The following HEATR1 variants were observed in gnomAD, a reference collection of about 807,000 sequenced individuals.
The protein encoded by HEATR1 is HEAT repeat containing 1.
Under a neutral mutation model 248.2 loss-of-function variants are expected in HEATR1, and 77 were observed. The observed-to-expected ratio is 0.31, with a 90% CI of 0.26 to 0.37. The LOEUF (loss-of-function observed/expected upper bound fraction) is 0.37, where lower values mean the gene tolerates loss of function less well. HEATR1 is among the 10% of genes least tolerant of loss of function. The probability of loss-of-function intolerance (pLI) is 1.00; values close to 1 mark genes in which losing one functional copy is unlikely to be tolerated. For missense variants in HEATR1, 2,420 were observed against 2,504.9 expected, an observed-to-expected ratio of 0.97 and a Z score of 0.72; for synonymous variants, 897 against 923.1, an observed-to-expected ratio of 0.97 and a Z score of 0.51.
At position 236,587,975 on chromosome 1, in the gene HEATR1, A is replaced by T. The variant is rs1319249214; in HGVS notation, c.1599T>A (p.Val533=). ...LARLGDDNID[V]VLSAISAFEI... ...CAAAAGCACTTATAGCCGACAAAACAACATCTATATTATCATCACCTAATC... is the reference window on the plus strand; with the variant it reads ...CAAAAGCACTTATAGCCGACAAAACTACATCTATATTATCATCACCTAATC... Residue 533 remains valine (V), a synonymous_variant, in exon 13 of 45, where the codon GTT becomes GTA. Coordinates refer to ENST00000366582, the MANE Select transcript of HEATR1 (RefSeq NM_018072.6). 6 of 1,611,734 alleles carry T rather than the reference A, an allele frequency of 3.7e-6. 1 individual carries two copies. The South Asian group carries it at 5.5e-5, about 15-fold the overall frequency.
intron 42 of HEATR1, among the ~76,000 whole-genome samples, chr1:236,554,068 C>G (rs1399880828): frequency 6.6e-6 from 1 of 152,118 alleles, no homozygotes; most frequent in Non-Finnish European, 1.5e-5. Context: ...TCATGTCTGT[C>G]TTTTGAGCAG....
rs1348942189 is a variant in HEATR1, at chr1:236,558,231, G to A, written c.5204+6C>T. 50 of 1,607,690 alleles carry A rather than the reference G, an allele frequency of 3.1e-5. No homozygotes were observed. Among genetic ancestry groups the A allele is most frequent in the Non-Finnish European group, 3.9e-5 (46 of 1,177,050 alleles). ...CAGCTCCTGTTCCAAGTCTCCGGCC[G>A]CATACCTGGGAAGCTGGGGGATGGC... is the stretch of plus-strand genomic sequence containing the variant. On this transcript the variant is annotated splice_donor_region_variant and intron_variant, in intron 36 of 44. Coordinates refer to ENST00000366582, the MANE Select transcript of HEATR1 (RefSeq NM_018072.6).
In HEATR1 at chr1:236,576,375, A is replaced by G. The variant is rs1663562219; in HGVS notation, c.2928T>C (p.Asp976=). Residue 976 remains aspartate (D), a splice_region_variant and synonymous_variant, in exon 22 of 45, where the codon GAT becomes GAC. Coordinates refer to ENST00000366582, the MANE Select transcript of HEATR1 (RefSeq NM_018072.6). ...GTAGTTCCTCAAATAAAGTAGCCAAATCCTAAGATACCAAAAAGAAAATTG... is the reference window on the plus strand; with the variant it reads ...GTAGTTCCTCAAATAAAGTAGCCAAGTCCTAAGATACCAAAAAGAAAATTG... The part of the protein sequence containing the change: ...ITSDAAYVIQ[D]LATLFEELQR... 3 of 1,571,220 alleles carry G rather than the reference A, an allele frequency of 1.9e-6. No individual in the cohort carries two copies. The South Asian group carries it at 3.6e-5, about 19-fold the overall frequency.
chr1:236,585,975 T>C (rs770331094), intron 15 of HEATR1, 34 bp from the exon 16 acceptor site: 2 of 1,610,146 alleles, frequency 1.2e-6, no homozygotes, highest in African/African-American at 1.3e-5. Flanking sequence ...AGAGCTCTTA[T>C]GTCACCAACA....
Position 236,572,424 on chromosome 1 carries a change from TAA to T in HEATR1, c.3692_3693del (p.Phe1231Ter). On this transcript the variant is annotated frameshift_variant, in exon 26 of 45. Coordinates refer to ENST00000366582, the MANE Select transcript of HEATR1 (RefSeq NM_018072.6). LOFTEE classifies it high-confidence loss of function. ...AAGTGTCATTACCTTGATAGCAAGT[TAA>T]AAAGAGTTGGCACCAATATCTGAGG... ...RSPQILVPTL[F>X]NLLSRCLEPL... 6.2e-7 allele frequency: 1 copy of T among 1,614,076 alleles called. No individual in the cohort carries two copies. The highest frequency in any genetic ancestry group is 8.5e-7 in the Non-Finnish European group (1 of 1,179,954).
rs1296015290 is a variant in HEATR1 at position 236,571,371 on chromosome 1, T to C, written c.3928A>G (p.Thr1310Ala). 2 of 1,598,786 alleles carry C rather than the reference T, an allele frequency of 1.3e-6. No individual in the cohort carries two copies. The highest frequency in any genetic ancestry group is 1.1e-5 in the South Asian group (1 of 87,478). Residue 1310 changes from threonine (T) to alanine (A), a missense_variant, in exon 28 of 45, where the codon ACT becomes GCT. Transcript: ENST00000366582. ...THHHALLLLG[T>A]VAGIFPDKVL... Reference sequence around the variant, plus strand: ...CTTACCGGAAATATTCCAGCAACAGTGCCCAAAAGTAAAAGGGCATGGTGA... The same window carrying C: ...CTTACCGGAAATATTCCAGCAACAGCGCCCAAAAGTAAAAGGGCATGGTGA...
intron 28 of HEATR1, among the ~76,000 whole-genome samples, chr1:236,569,756 G>A (rs963202464): frequency 1.5e-4 from 23 of 152,056 alleles, no homozygotes; most frequent in African/African-American, 5.6e-4. Context: ...AAAATTCCGT[G>A]TGACCCAACA....
At chr1:236,562,587 C>A (rs964992792) in intron 32 of HEATR1, among the ~76,000 whole-genome samples, 2 of 152,336 alleles carry the variant, frequency 1.3e-5, no homozygotes, top group African/African-American at 2.4e-5. Flanking sequence ...ATTGATCCAT[C>A]TGATTACTCC....
Position 236,572,430 on chromosome 1 carries a change from G to T in HEATR1, c.3688C>A (p.Leu1230Ile). 5.0e-6 allele frequency: 8 copies of T among 1,614,066 alleles called. No individual in the cohort carries two copies. The highest frequency in any genetic ancestry group is 6.8e-6 in the Non-Finnish European group (8 of 1,179,948). ...CATTACCTTGATAGCAAGTTAAAAA[G>T]AGTTGGCACCAATATCTGAGGACTT... ...LRSPQILVPT[L>I]FNLLSRCLEP... The change falls in exon 26 of 45, where the codon CTT (leucine) becomes ATT (isoleucine). Residue 1230 changes from leucine (L) to isoleucine (I), a missense_variant. Physicochemically the swap from Leu to Ile is conservative, Grantham distance 5. Transcript: ENST00000366582.
At chr1:236,596,563 T>C (rs1248649718) in intron 6 of HEATR1, among the ~76,000 whole-genome samples, 1 of 152,196 alleles carries the variant, frequency 6.6e-6, no homozygotes, top group Non-Finnish European at 1.5e-5. Context: ...TCCGTCCTCC[T>C]TCCAGTGAGG....
At chr1:236,558,677 T>C (rs1217555690) in intron 35 of HEATR1, 148 bp from the exon 36 acceptor site, 1 of 827,196 alleles carries the variant, frequency 1.2e-6, no homozygotes, top group South Asian at 1.8e-5. Flanking sequence ...GTGCATGTTC[T>C]AGCCAGTGTT....
At chr1:236,574,969 A>C in intron 22 of HEATR1, 66 bp from the exon 23 acceptor site, 1 of 1,453,186 alleles carries the variant, frequency 6.9e-7, no homozygotes. Flanking sequence ...CACTCTACAG[A>C]GACACTCAAA....
In HEATR1 at chr1:236,550,658, C is replaced by G. The variant is rs1212273516; in HGVS notation, c.*244G>C. ...AGAATAATAAATGTTTAAACAAACA[C>G]AGCAGTCTGTATAAAAATACCGTGT... On this transcript the variant is annotated 3_prime_UTR_variant, in exon 45 of 45. Coordinates refer to ENST00000366582, the MANE Select transcript of HEATR1 (RefSeq NM_018072.6). 4.6e-6 allele frequency: 2 copies of G among 436,120 alleles called. No homozygotes were observed. Among genetic ancestry groups the G allele is most frequent in the Non-Finnish European group, 8.1e-6 (2 of 247,050 alleles). The allele number at this position is 436,120 out of a possible 1,614,324, so 27.0% of individuals were successfully genotyped here.
chr1:236,599,586 G>C lies in HEATR1; in HGVS notation c.398C>G (p.Ala133Gly). ...TGTCTCGTGGTATGGCAGAACACAA[G>C]CAATGAGGCTATCTTGATTATAGAG... ...IHLYNQDSLI[A>G]CVLPYHETRI... is the part of the protein sequence containing the mutation. Residue 133 changes from alanine (A) to glycine (G), a missense_variant, in exon 4 of 45, where the codon GCT becomes GGT. By Grantham distance (60) the Ala-to-Gly change is moderately conservative (BLOSUM62 0). Coordinates refer to ENST00000366582, the MANE Select transcript of HEATR1 (RefSeq NM_018072.6). 6.2e-7 allele frequency: 1 copy of C among 1,613,628 alleles called. No individual in the cohort carries two copies. Among genetic ancestry groups the C allele is most frequent in the Non-Finnish European group, 8.5e-7 (1 of 1,179,738 alleles).
Position 236,567,446 on chromosome 1 carries a change from C to T in HEATR1, c.4078-570G>A, listed in dbSNP as rs536666436. On this transcript the variant is annotated intron_variant, in intron 29 of 44. Coordinates refer to ENST00000366582, the MANE Select transcript of HEATR1 (RefSeq NM_018072.6). ...GGATACATGGCTGGGCGCAGTGGCT[C>T]ACGCCTGTAATCCCAACACTTTGGG... Among the ~76,000 whole-genome samples the T allele has an allele frequency of 1.2e-4, 19 of 152,342 alleles. 3 individuals carry two copies. In the South Asian group the frequency reaches 3.9e-3, roughly 32 times the overall value.
chr1:236,603,790 A>C (rs1664391865), intron 2 of HEATR1, among the ~76,000 whole-genome samples, 164 bp downstream of exon 2: 1 of 151,994 alleles, frequency 6.6e-6, no homozygotes. Context: ...AGCACCAAGC[A>C]CCTGACTGTT....
intron 3 of HEATR1, 70 bp downstream of exon 3, chr1:236,603,090 C>T: frequency 1.7e-6 from 2 of 1,152,656 alleles, no homozygotes; most frequent in South Asian, 2.6e-5. Context: ...TTGATAAGTT[C>T]TCAACTACTT....
At chr1:236,570,857 T>A (rs1558182807) in intron 28 of HEATR1, among the ~76,000 whole-genome samples, 1 of 152,180 alleles carries the variant, frequency 6.6e-6, no homozygotes, top group Non-Finnish European at 1.5e-5. Context: ...AAATCCTCAA[T>A]ATGAAAATAG....
chr1:236,597,787 ATT>A (rs2102798044), intron 5 of HEATR1, 89 bp downstream of exon 5: 4 of 772,572 alleles, frequency 5.2e-6, no homozygotes, highest in East Asian at 2.6e-5. Flanking sequence ...CCAAAGTATC[ATT>A]GTTATTAGGG....
Sources: allele counts gnomAD v4.1 joint callset (sites outside exome capture counted in the v4.1 genomes callset), GRCh38; gene constraint gnomAD v4.1.1; transcripts MANE v1.5; gene names NCBI Gene and HGNC (gene_info 2026-07-23, HGNC 2026-07-21).